Variants in ENOX1 observed in about 807,000 individuals in gnomAD.
ENOX1 encodes candidate growth-related and time keeping constitutive hydroquinone (NADH) oxidase.
ENOX1 carries 42 observed loss-of-function variants against 82.5 expected under a neutral mutation model. That is an observed-to-expected ratio of 0.51 (90% CI 0.40 to 0.66). ENOX1 has a LOEUF of 0.66. ENOX1 is among the 30% of genes least tolerant of loss of function. ENOX1 has a pLI of 0.00. For synonymous variants in ENOX1, 271 were observed against 282.2 expected, an observed-to-expected ratio of 0.96 and a Z score of 0.40; for missense variants, 608 against 811.6, an observed-to-expected ratio of 0.75 and a Z score of 3.05.
At chr13:43,380,174 C>T (rs2051933999) in intron 5 of ENOX1, among the ~76,000 whole-genome samples, 1 of 151,234 alleles carries the variant, frequency 6.6e-6, no homozygotes, top group South Asian at 2.1e-4. Flanking sequence ...AAAGGAATTC[C>T]TCTAGGCAGA....
chr13:43,721,246 T>A (rs2088554191), intron 1 of ENOX1, among the ~76,000 whole-genome samples: 1 of 152,194 alleles, frequency 6.6e-6, no homozygotes, highest in East Asian at 1.9e-4. Context: ...AATATACAGA[T>A]GAATGGTAAA....
At chr13:43,312,217 C>T (rs946973055) in intron 11 of ENOX1, among the ~76,000 whole-genome samples, 1 of 152,072 alleles carries the variant, frequency 6.6e-6, no homozygotes, top group African/African-American at 2.4e-5. Flanking sequence ...TCAGAATTTC[C>T]CTGAGTCTGT....
chr13:43,435,214 C>T (rs1297404073), intron 3 of ENOX1, among the ~76,000 whole-genome samples: 1 of 152,052 alleles, frequency 6.6e-6, no homozygotes, highest in Non-Finnish European at 1.5e-5. Context: ...AAACCTACAA[C>T]CTGGAGCAAA....
chr13:43,364,825 A>G (rs2050746283), intron 5 of ENOX1, among the ~76,000 whole-genome samples: 1 of 152,218 alleles, frequency 6.6e-6, no homozygotes, highest in East Asian at 1.9e-4. Flanking sequence ...TCAGCAAAAG[A>G]GTCGGGACAC....
chr13:43,616,204 AT>A (rs58543927), intron 2 of ENOX1, among the ~76,000 whole-genome samples: 1,123 of 15,310 alleles, frequency 0.073, 214 homozygotes, highest in African/African-American at 0.12. Context: ...ATATATATAT[AT>A]TTTTTTTTTT....
At chr13:43,571,843 T>C (rs1303845242) in intron 2 of ENOX1, among the ~76,000 whole-genome samples, 1 of 152,160 alleles carries the variant, frequency 6.6e-6, no homozygotes, top group East Asian at 1.9e-4. Context: ...CAGCAATCTC[T>C]ACACGTCTGT....
intron 5 of ENOX1, among the ~76,000 whole-genome samples, chr13:43,366,715 A>G (rs2050874044): frequency 6.6e-6 from 1 of 152,130 alleles, no homozygotes; most frequent in Non-Finnish European, 1.5e-5. Context: ...AAGTGTGGAG[A>G]CCTCAAGTCT....
intron 1 of ENOX1, among the ~76,000 whole-genome samples, chr13:43,750,221 T>G (rs2153830728): frequency 6.6e-6 from 1 of 152,264 alleles, no homozygotes; most frequent in East Asian, 1.9e-4. Flanking sequence ...AAAATAAAAT[T>G]TGGCATACTC....
chr13:43,379,913 G>GA (rs1255126057), intron 5 of ENOX1, among the ~76,000 whole-genome samples: 3 of 151,272 alleles, frequency 2.0e-5, no homozygotes, highest in South Asian at 2.1e-4. Flanking sequence ...GAGCATCCAG[G>GA]AAAAAAAGAC....
At chr13:43,643,402 C>G (rs960392545) in intron 2 of ENOX1, among the ~76,000 whole-genome samples, 1 of 152,150 alleles carries the variant, frequency 6.6e-6, no homozygotes, top group Non-Finnish European at 1.5e-5. Context: ...CAGTGTTATC[C>G]AGTTATCTCT....
chr13:43,724,757 A>G (rs996152525), intron 1 of ENOX1, among the ~76,000 whole-genome samples: 1 of 152,134 alleles, frequency 6.6e-6, no homozygotes, highest in African/African-American at 2.4e-5. Flanking sequence ...CCTTTCTCAA[A>G]AGAAGGCTCT....
At chr13:43,730,206 G>C (rs1232415153) in intron 1 of ENOX1, among the ~76,000 whole-genome samples, 1 of 152,162 alleles carries the variant, frequency 6.6e-6, no homozygotes, top group Non-Finnish European at 1.5e-5. Context: ...CTGTAGGGGA[G>C]GAGCAAAGAA....
intron 3 of ENOX1, among the ~76,000 whole-genome samples, chr13:43,420,933 A>G (rs2153606616): frequency 6.6e-6 from 1 of 152,322 alleles, no homozygotes; most frequent in African/African-American, 2.4e-5. Flanking sequence ...TTTGTTAATG[A>G]TCAATGTCAG....
intron 5 of ENOX1, among the ~76,000 whole-genome samples, chr13:43,394,009 C>T (rs988955341): frequency 2.6e-5 from 4 of 152,170 alleles, no homozygotes; most frequent in Admixed American, 6.5e-5. Context: ...GCTATGTGGG[C>T]ATACCTACTG....
At chr13:43,222,471 C>T (rs545082328) in intron 16 of ENOX1, among the ~76,000 whole-genome samples, 1 of 152,034 alleles carries the variant, frequency 6.6e-6, no homozygotes, top group African/African-American at 2.4e-5. Context: ...GTGGAGGAAA[C>T]AAAGTGTCCT....
intron 6 of ENOX1, 99 bp from the exon 7 acceptor site, chr13:43,360,156 C>T: frequency 1.9e-6 from 2 of 1,073,362 alleles, no homozygotes; most frequent in African/African-American, 1.7e-5. Flanking sequence ...TTTCTCCAGA[C>T]TGAGTGACGG....
chr13:43,431,716 T>C lies in ENOX1; in HGVS notation c.-74-18728A>G, dbSNP rs187244588. 2.7e-4 allele frequency among the ~76,000 whole-genome samples: 41 copies of C among 152,306 alleles called. No homozygotes were observed. The East Asian group carries it at 7.7e-3, about 29-fold the overall frequency. On this transcript the variant is annotated intron_variant, in intron 3 of 16. Coordinates refer to ENST00000690772, the MANE Select transcript of ENOX1 (RefSeq NM_001347969.2). ...ATATACATACACACATAAATATGTA[T>C]AAACACACCGTATTAATCATTACTG...
At chr13:43,783,486 G>C (rs113431548) in intron 1 of ENOX1, among the ~76,000 whole-genome samples, 15 of 152,220 alleles carry the variant, frequency 9.9e-5, no homozygotes, top group African/African-American at 3.6e-4. Flanking sequence ...GACATCCTGA[G>C]ACTGGGTCTG....
intron 1 of ENOX1, among the ~76,000 whole-genome samples, chr13:43,688,200 G>A (rs2086173624): frequency 6.6e-6 from 1 of 151,836 alleles, no homozygotes; most frequent in African/African-American, 2.4e-5. Flanking sequence ...TCATTAACGG[G>A]AGGTTAACTG....
Sources: allele counts gnomAD v4.1 joint callset (sites outside exome capture counted in the v4.1 genomes callset), GRCh38; gene constraint gnomAD v4.1.1; transcripts MANE v1.5; gene names NCBI Gene and HGNC (gene_info 2026-07-23, HGNC 2026-07-21).